Variants in GAPVD1 observed in about 807,000 individuals in gnomAD.
GAPVD1 encodes the protein GTPase-activating protein and VPS9 domain-containing protein 1.
In GAPVD1, 35 loss-of-function variants were observed where a neutral mutation model predicts 155.5. That is an observed-to-expected ratio of 0.23 (90% CI 0.17 to 0.30). The LOEUF is 0.30. GAPVD1 is among the 10% of genes least tolerant of loss of function. The probability of loss-of-function intolerance (pLI) is 1.00; values close to 1 mark genes in which losing one functional copy is unlikely to be tolerated. For missense variants in GAPVD1, 1,429 were observed against 1,775.7 expected, an observed-to-expected ratio of 0.80 and a Z score of 3.51; for synonymous variants, 636 against 619.7, an observed-to-expected ratio of 1.03 and a Z score of -0.39.
At chr9:125,271,394 TA>T (rs1406174574) in intron 2 of GAPVD1, among the ~76,000 whole-genome samples, 2 of 152,096 alleles carry the variant, frequency 1.3e-5, no homozygotes, top group African/African-American at 4.8e-5. Flanking sequence ...TTGGAAGGAT[TA>T]AACCCACGTG....
intron 9 of GAPVD1, among the ~76,000 whole-genome samples, chr9:125,314,053 T>C (rs1004895248): frequency 6.6e-6 from 1 of 152,232 alleles, no homozygotes; most frequent in Non-Finnish European, 1.5e-5. Flanking sequence ...TAAGGAATTT[T>C]CCAGGCAGTA....
chr9:125,268,796 A>G (rs1439086880), intron 1 of GAPVD1, 140 bp from the exon 2 acceptor site: 2 of 152,112 alleles, frequency 1.3e-5, no homozygotes, highest in Non-Finnish European at 2.9e-5. Context: ...GGCCTCCCAA[A>G]GTACTGGGAT....
rs144775767 is a variant in GAPVD1 at position 125,307,481 on chromosome 9, C to T, written c.1185C>T (p.Ser395=). Residue 395 remains serine (S), a synonymous_variant, in exon 7 of 28, where the codon TCC becomes TCT. Coordinates refer to ENST00000297933, the MANE Select transcript of GAPVD1 (RefSeq NM_001282680.3). ...GRAVETPPLS[S]VNLLEGLSRT... Reference sequence around the variant, plus strand: ...CAGTGGAGACCCCTCCATTGTCTTCCGTCAATCTTCTGGAAGGATTGAGCA... The same window carrying T: ...CAGTGGAGACCCCTCCATTGTCTTCTGTCAATCTTCTGGAAGGATTGAGCA... 1.6e-5 allele frequency: 26 copies of T among 1,608,714 alleles called. No individual in the cohort carries two copies. In the African/African-American group the frequency reaches 1.7e-4, roughly 11 times the overall value.
At chr9:125,300,091 A>G (rs1223999800) in intron 4 of GAPVD1, among the ~76,000 whole-genome samples, 73 of 100,320 alleles carry the variant, frequency 7.3e-4, no homozygotes, top group Admixed American at 9.9e-4. Context: ...ATATATATAT[A>G]TATGTATTTC....
chr9:125,324,228 T>C (rs541089083), intron 11 of GAPVD1, among the ~76,000 whole-genome samples: 1 of 152,294 alleles, frequency 6.6e-6, no homozygotes, highest in South Asian at 2.1e-4. Flanking sequence ...GAAAGAATAG[T>C]ACACAATTGA....
chr9:125,364,509 G>A lies in GAPVD1; in HGVS notation c.*1763G>A, dbSNP rs1851319898. The stretch of plus-strand genomic sequence containing the variant: ...TCCACCCGCCTTGGCCTCCCAAAGT[G>A]CGGGATTACAAGCGTGAACCACCCT... On this transcript the variant is annotated 3_prime_UTR_variant, in exon 28 of 28. Coordinates refer to ENST00000297933, the MANE Select transcript of GAPVD1 (RefSeq NM_001282680.3). 6.6e-6 allele frequency: 1 copy of A among 152,232 alleles called. No individual in the cohort carries two copies. Among genetic ancestry groups the A allele is most frequent in the East Asian group, 1.9e-4 (1 of 5,202 alleles). The allele number at this position is 152,232 out of a possible 1,614,324, so 9.4% of individuals were successfully genotyped here.
rs551882809 is a variant in GAPVD1 at position 125,264,157 on chromosome 9, CAG to C, written c.-199+2199_-199+2200del. On this transcript the variant is annotated intron_variant, in intron 1 of 27. Coordinates refer to ENST00000297933, the MANE Select transcript of GAPVD1 (RefSeq NM_001282680.3). ...TGTAGACGAAAGAGAATTTCATAAT[CAG>C]GGAGATAAAAAATTTGGATGGGATC... is the stretch of plus-strand genomic sequence containing the variant. 1.1e-3 allele frequency: 770 copies of C among 678,392 alleles called. 2 individuals are homozygous for C. Among genetic ancestry groups the C allele is most frequent in the Non-Finnish European group, 1.8e-3 (689 of 374,642 alleles). The allele number at this position is 678,392 out of a possible 1,614,324, so 42.0% of individuals were successfully genotyped here. A position where few individuals can be genotyped will look rare whatever the true frequency, so the allele number is the denominator to read the frequency against.
At chr9:125,304,816 T>G (rs1215720038) in intron 5 of GAPVD1, among the ~76,000 whole-genome samples, 3 of 152,220 alleles carry the variant, frequency 2.0e-5, no homozygotes, top group South Asian at 2.1e-4. Context: ...AATGTTGATA[T>G]CTTATGTGTT....
In GAPVD1 at chr9:125,323,669, T is replaced by C. The variant is rs1844723392; in HGVS notation, c.1733-129T>C. ...AGCAGAATTTCTCAAAGGGCATGTG[T>C]TTTTTTAAGGTATAAAAAGTATTAA... is the stretch of plus-strand genomic sequence containing the variant. On this transcript the variant is annotated intron_variant, in intron 10 of 27. Transcript: ENST00000297933. 3 of 848,628 alleles carry C rather than the reference T, an allele frequency of 3.5e-6. No homozygotes were observed. The African/African-American group carries it at 5.1e-5, about 15-fold the overall frequency. The allele number at this position is 848,628 out of a possible 1,614,324, so 52.6% of individuals were successfully genotyped here.
intron 2 of GAPVD1, among the ~76,000 whole-genome samples, chr9:125,286,806 G>A (rs545691507): frequency 2.6e-5 from 4 of 152,214 alleles, no homozygotes; most frequent in Admixed American, 6.5e-5. Context: ...AAGTTTCACC[G>A]GGCTCGGTGG....
chr9:125,338,957 G>GTGTGTA (rs1456042833), intron 17 of GAPVD1, among the ~76,000 whole-genome samples: 4 of 111,396 alleles, frequency 3.6e-5, no homozygotes, highest in Non-Finnish European at 7.8e-5. Context: ...GTGTGTGTGT[G>GTGTGTA]TATATATATT....
rs1851382899 is a variant in GAPVD1 at position 125,365,082 on chromosome 9, G to A, written c.*2336G>A. The A allele has an allele frequency of 6.6e-6, 1 of 152,298 alleles. No individual in the cohort carries two copies. The allele number at this position is 152,298 out of a possible 1,614,324, so 9.4% of individuals were successfully genotyped here. A position where few individuals can be genotyped will look rare whatever the true frequency, so the allele number is the denominator to read the frequency against. ...AGGGCTACACTGGAGGCAGGAGATA[G>A]GGCTGTGCTGTGTTGGAGCCGGGGC... On this transcript the variant is annotated 3_prime_UTR_variant, in exon 28 of 28. Coordinates refer to ENST00000297933, the MANE Select transcript of GAPVD1 (RefSeq NM_001282680.3).
At chr9:125,279,318 C>T (rs1289935505) in intron 2 of GAPVD1, among the ~76,000 whole-genome samples, 2 of 151,902 alleles carry the variant, frequency 1.3e-5, no homozygotes, top group Non-Finnish European at 1.5e-5. Flanking sequence ...CGCCTGTAAT[C>T]GCAGCACCTT....
intron 9 of GAPVD1, among the ~76,000 whole-genome samples, chr9:125,318,740 G>A (rs992385436): frequency 1.3e-5 from 2 of 151,740 alleles, no homozygotes; most frequent in Non-Finnish European, 2.9e-5. Context: ...AACATAGTAA[G>A]ACCTTGTCTC....
intron 6 of GAPVD1, among the ~76,000 whole-genome samples, chr9:125,306,340 T>C (rs1357611869): frequency 6.6e-6 from 1 of 152,188 alleles, no homozygotes. Flanking sequence ...CAAAAGATTC[T>C]TGATGTTATT....
intron 15 of GAPVD1, among the ~76,000 whole-genome samples, chr9:125,333,553 A>G (rs1027871652): frequency 6.8e-5 from 10 of 147,736 alleles, no homozygotes; most frequent in Non-Finnish European, 1.3e-4. Flanking sequence ...CAATGGCGCA[A>G]TCTCGGCTCA....
At chr9:125,317,847 T>C (rs1843683635) in intron 9 of GAPVD1, among the ~76,000 whole-genome samples, 1 of 151,792 alleles carries the variant, frequency 6.6e-6, no homozygotes, top group Non-Finnish European at 1.5e-5. Flanking sequence ...CATATAGAAA[T>C]TCTGGAGTTG....
At chr9:125,355,467 C>T (rs1849935558) in intron 24 of GAPVD1, among the ~76,000 whole-genome samples, 177 bp from the exon 25 acceptor site, 2 of 152,144 alleles carry the variant, frequency 1.3e-5, no homozygotes, top group Admixed American at 1.3e-4. Context: ...TGCTTTTTCT[C>T]CTGATTTAAT....
chr9:125,350,776 A>G lies in GAPVD1; in HGVS notation c.3473A>G (p.Asn1158Ser). The G allele has an allele frequency of 6.3e-7, 1 of 1,598,474 alleles. No individual in the cohort carries two copies. The highest frequency in any genetic ancestry group is 8.6e-7 in the Non-Finnish European group (1 of 1,165,744). Residue 1158 changes from asparagine (N) to serine (S), a missense_variant, in exon 23 of 28, where the codon AAT (asparagine) becomes AGT (serine). Coordinates refer to ENST00000297933, the MANE Select transcript of GAPVD1 (RefSeq NM_001282680.3). ...GAAGCAATTAATTTACAAGATAAGA[A>G]TCTAATGGCTCAACTTCAAGAAACA... Reference protein sequence around the residue: ...IAEAINLQDKNLMAQLQETMR... With the variant: ...IAEAINLQDKSLMAQLQETMR...
Sources: gnomAD v4.1 joint callset for allele counts (sites outside exome capture counted in the v4.1 genomes callset) on GRCh38, gnomAD v4.1.1 for gene constraint, MANE v1.5 for transcripts, NCBI Gene and HGNC (gene_info 2026-07-23, HGNC 2026-07-21) for gene names.